Variants in MEMO1 observed in about 807,000 individuals in gnomAD.
MEMO1 encodes the protein protein MEMO1.
MEMO1 carries 6 observed loss-of-function variants against 45.2 expected under a neutral mutation model. The ratio of observed to expected loss-of-function variants is 0.13; its 90% CI spans 0.07 to 0.26. The LOEUF (loss-of-function observed/expected upper bound fraction) is 0.26, where lower values mean the gene tolerates loss of function less well. MEMO1 is among the 10% of genes least tolerant of loss of function. The probability of loss-of-function intolerance (pLI) is 1.00; values close to 1 mark genes in which losing one functional copy is unlikely to be tolerated. For missense variants in MEMO1, 184 were observed against 370.5 expected (o/e 0.50, Z 4.13); for synonymous variants, 78 against 124.3 (o/e 0.63, Z 2.48).
At chr2:31,907,770 G>A (rs1238901527) in intron 6 of MEMO1, among the ~76,000 whole-genome samples, 2 of 146,048 alleles carry the variant, frequency 1.4e-5, no homozygotes, top group Non-Finnish European at 3.0e-5. Context: ...TCCAGCAGGA[G>A]CAAGACCGTG....
intron 6 of MEMO1, among the ~76,000 whole-genome samples, chr2:31,907,818 C>T (rs1572641980): frequency 6.7e-6 from 1 of 150,132 alleles, no homozygotes; most frequent in African/African-American, 2.4e-5. Flanking sequence ...CACACACACA[C>T]ACATACACAC....
chr2:31,969,960 C>T (rs779160398), intron 2 of MEMO1, among the ~76,000 whole-genome samples: 22 of 151,176 alleles, frequency 1.5e-4, no homozygotes, highest in Non-Finnish European at 1.2e-4. Flanking sequence ...AACACAAGTT[C>T]ACTTTTCTCT....
intron 2 of MEMO1, among the ~76,000 whole-genome samples, chr2:31,976,125 A>G (rs1192691744): frequency 6.6e-6 from 1 of 152,222 alleles, no homozygotes; most frequent in Non-Finnish European, 1.5e-5. Flanking sequence ...ACAATGGATG[A>G]GGAAAAGATA....
At chr2:31,894,710 A>T (rs1677495349) in intron 6 of MEMO1, among the ~76,000 whole-genome samples, 1 of 152,198 alleles carries the variant, frequency 6.6e-6, no homozygotes, top group Non-Finnish European at 1.5e-5. Flanking sequence ...CCTGGCTAAC[A>T]GAAAATTTGG....
chr2:31,925,383 G>A (rs1295942505), intron 4 of MEMO1, among the ~76,000 whole-genome samples: 3 of 145,722 alleles, frequency 2.1e-5, no homozygotes, highest in African/African-American at 7.6e-5. Context: ...GGCTGAGGCA[G>A]GAGAATCGTT....
intron 2 of MEMO1, among the ~76,000 whole-genome samples, chr2:31,981,184 G>A (rs1427609486): frequency 6.6e-6 from 1 of 152,186 alleles, no homozygotes; most frequent in East Asian, 1.9e-4. Flanking sequence ...AGATCTGAAG[G>A]AGGGCCCCAC....
chr2:31,897,663 T>C lies in MEMO1; in HGVS notation c.438-5529A>G, dbSNP rs188517018. 1.2e-3 allele frequency among the ~76,000 whole-genome samples: 186 copies of C among 152,342 alleles called. 4 individuals are homozygous for C. Among genetic ancestry groups the C allele is most frequent in the Admixed American group, 3.3e-3 (50 of 15,306 alleles). On this transcript the variant is annotated intron_variant, in intron 6 of 9. Transcript: ENST00000404530. ...TTTGCACTGATATTCATCAGGGATA[T>C]TGGCCTGAAATTTTCTTTTTTTGTT...
chr2:31,916,298 G>A (rs1273960688), intron 6 of MEMO1, among the ~76,000 whole-genome samples: 1 of 151,858 alleles, frequency 6.6e-6, no homozygotes, highest in East Asian at 1.9e-4. Context: ...CCATAATCTC[G>A]GCTCACTGCA....
At chr2:31,961,239 T>A (rs951603577) in intron 2 of MEMO1, among the ~76,000 whole-genome samples, 1 of 151,956 alleles carries the variant, frequency 6.6e-6, no homozygotes, top group Non-Finnish European at 1.5e-5. Flanking sequence ...GTGCCTATAA[T>A]CTCAGCTACT....
At chr2:31,894,796 T>C (rs1677509074) in intron 6 of MEMO1, among the ~76,000 whole-genome samples, 1 of 152,124 alleles carries the variant, frequency 6.6e-6, no homozygotes, top group Admixed American at 6.5e-5. Context: ...AGACTATACT[T>C]AGTTGATTCT....
At chr2:31,970,774 T>TG (rs1202857957) in intron 2 of MEMO1, among the ~76,000 whole-genome samples, 3 of 151,886 alleles carry the variant, frequency 2.0e-5, no homozygotes, top group Non-Finnish European at 2.9e-5. Context: ...GAGGCCGAGG[T>TG]GGGGGGATCA....
intron 4 of MEMO1, among the ~76,000 whole-genome samples, chr2:31,923,011 A>C (rs1682548059): frequency 6.6e-6 from 1 of 152,104 alleles, no homozygotes; most frequent in South Asian, 2.1e-4. Flanking sequence ...TGCGGGGCCC[A>C]GAGTTACTTC....
intron 2 of MEMO1, among the ~76,000 whole-genome samples, chr2:31,996,863 T>C (rs762226259): frequency 1.1e-4 from 16 of 152,078 alleles, no homozygotes; most frequent in Admixed American, 5.9e-4. Context: ...CCCGAATTGC[T>C]AGGATTACAG....
At chr2:31,921,423 T>C (rs1238213328) in intron 4 of MEMO1, among the ~76,000 whole-genome samples, 1 of 152,206 alleles carries the variant, frequency 6.6e-6, no homozygotes, top group Non-Finnish European at 1.5e-5. Flanking sequence ...ATTTCTGTCT[T>C]TGTTGGATGG....
chr2:31,997,483 C>T (rs1672749187), intron 2 of MEMO1, among the ~76,000 whole-genome samples: 1 of 152,194 alleles, frequency 6.6e-6, no homozygotes, highest in Non-Finnish European at 1.5e-5. Flanking sequence ...GTATTCCTTA[C>T]AGATGTTGAA....
chr2:32,010,766 C>T (rs1315854126), intron 1 of MEMO1, among the ~76,000 whole-genome samples, 176 bp downstream of exon 1: 2 of 151,566 alleles, frequency 1.3e-5, no homozygotes, highest in Non-Finnish European at 3.0e-5. Context: ...CCGCCCCGCT[C>T]CTCCTCCCGG....
At chr2:31,933,348 A>AAAATATATATATAT (rs1558514269) in intron 3 of MEMO1, among the ~76,000 whole-genome samples, 2 of 16,180 alleles carry the variant, frequency 1.2e-4, no homozygotes, top group Non-Finnish European at 1.0e-4. Flanking sequence ...AAAAAAAAAA[A>AAAATATATATATAT]ATTTATATAT....
intron 2 of MEMO1, among the ~76,000 whole-genome samples, chr2:32,002,071 G>C (rs1673390154): frequency 6.8e-6 from 1 of 147,420 alleles, no homozygotes; most frequent in Non-Finnish European, 1.5e-5. Flanking sequence ...GCTTGAACCA[G>C]GAGGCAGAGC....
intron 5 of MEMO1, among the ~76,000 whole-genome samples, chr2:31,918,322 A>G (rs72796821): frequency 0.039 from 5,890 of 152,264 alleles, 164 homozygotes; most frequent in Non-Finnish European, 0.057. Context: ...TAGTTATATA[A>G]AAAATGATAA....
Sources: gnomAD v4.1 joint callset for allele counts (sites outside exome capture counted in the v4.1 genomes callset) on GRCh38, gnomAD v4.1.1 for gene constraint, MANE v1.5 for transcripts, NCBI Gene and HGNC (gene_info 2026-07-23, HGNC 2026-07-21) for gene names.